D2HGDH: variants seen among roughly 807,000 people sequenced by gnomAD.
D2HGDH encodes D-2-hydroxyglutarate dehydrogenase, mitochondrial.
Under a neutral mutation model 46.9 loss-of-function variants are expected in D2HGDH, and 31 were observed. The observed-to-expected ratio is 0.66, with a 90% CI of 0.50 to 0.89. The LOEUF (loss-of-function observed/expected upper bound fraction) is 0.89. Among genes scored for constraint, D2HGDH ranks in the 40% least tolerant of loss-of-function variants. The pLI, the probability that D2HGDH is intolerant of heterozygous loss-of-function variation, is 0.00. For missense variants in D2HGDH, 698 were observed against 720.8 expected (o/e 0.97, Z 0.36); for synonymous variants, 364 against 332.6 (o/e 1.09, Z -1.03).
chr2:241,734,828 T>A, intron 1 of D2HGDH, 133 bp downstream of exon 1: 1 of 186,476 alleles, frequency 5.4e-6, no homozygotes, highest in Non-Finnish European at 1.1e-5. Context: ...GGGACGGCGC[T>A]GCAGCTCGTC....
At chr2:241,755,632 G>T in intron 8 of D2HGDH, 1 of 1,530,744 alleles carries the variant, frequency 6.5e-7, no homozygotes, top group Non-Finnish European at 8.8e-7. Flanking sequence ...CCTGGTCTGG[G>T]GCATTCGCTG....
chr2:241,754,291 G>C (rs1697813361), intron 8 of D2HGDH, among the ~76,000 whole-genome samples: 1 of 152,180 alleles, frequency 6.6e-6, no homozygotes, highest in African/African-American at 2.4e-5. Flanking sequence ...CCGTAGGAGG[G>C]GCTCTTGCTC....
intron 9 of D2HGDH, among the ~76,000 whole-genome samples, chr2:241,756,713 G>C (rs532702532): frequency 3.9e-5 from 6 of 152,164 alleles, no homozygotes; most frequent in Admixed American, 2.0e-4. Flanking sequence ...GTAGAGACAG[G>C]GTTTTGCCAT....
intron 9 of D2HGDH, among the ~76,000 whole-genome samples, chr2:241,764,978 T>C (rs2125177596): frequency 6.6e-6 from 1 of 152,242 alleles, no homozygotes; most frequent in Non-Finnish European, 1.5e-5. Context: ...AGGGTGTGCT[T>C]GGAGAGCTGC....
At position 241,749,303 on chromosome 2, in the gene D2HGDH, C is replaced by A. The variant is rs1417777483; in HGVS notation, c.854-848C>A. 2.3e-6 allele frequency: 3 copies of A among 1,288,360 alleles called. No individual in the cohort carries two copies. The African/African-American group carries it at 4.6e-5, about 20-fold the overall frequency. 79.8% of individuals were successfully genotyped at this position (1,288,360 alleles called of 1,614,324 possible). ...CTCCTGTGTCACCCAGTGCAGGTGT[C>A]TGCCCCCAGCCTCTGCGCCTGTGAG... On this transcript the variant is annotated intron_variant, in intron 6 of 9. Transcript: ENST00000321264.
At chr2:241,767,594 T>C (rs1466316165) in intron 9 of D2HGDH, 116 bp from the exon 10 acceptor site, 44 of 1,440,912 alleles carry the variant, frequency 3.1e-5, no homozygotes, top group Non-Finnish European at 3.9e-5. Context: ...AGGGTGAGGC[T>C]CAGCCGGGGG....
intron 6 of D2HGDH, chr2:241,748,773 G>A (rs1055952136): frequency 2.2e-5 from 24 of 1,087,836 alleles, no homozygotes; most frequent in Middle Eastern, 2.6e-4. Flanking sequence ...TGCTTCTGCC[G>A]ACTTACTCTC....
chr2:241,744,604 T>A, intron 5 of D2HGDH, 105 bp from the exon 6 acceptor site: 1 of 1,373,566 alleles, frequency 7.3e-7, no homozygotes, highest in Non-Finnish European at 1.0e-6. Flanking sequence ...TTCAGCCTCT[T>A]GGCATGACCT....
intron 2 of D2HGDH, among the ~76,000 whole-genome samples, chr2:241,738,842 TGTCTGCTCAGTAG>T (rs1400523817): frequency 6.6e-6 from 1 of 152,392 alleles, no homozygotes; most frequent in East Asian, 1.9e-4. Flanking sequence ...TGGTCCTGAA[TGTCTGCTCAGTAG>T]GTGTTTGCTG....
intron 8 of D2HGDH, among the ~76,000 whole-genome samples, chr2:241,752,552 T>C (rs980408005): frequency 2.0e-5 from 3 of 152,070 alleles, no homozygotes; most frequent in Non-Finnish European, 4.4e-5. Flanking sequence ...CATGTGCTCC[T>C]GTGGCTTCCA....
intron 6 of D2HGDH, among the ~76,000 whole-genome samples, chr2:241,746,583 G>C (rs1327240687): frequency 6.6e-6 from 1 of 151,978 alleles, no homozygotes; most frequent in Admixed American, 6.6e-5. Context: ...ATGAAACCCT[G>C]TCTCTACTAA....
In D2HGDH at chr2:241,743,696, C is replaced by A; in HGVS notation, c.565C>A (p.Pro189Thr). ...TGTGGAGGAACGGGACTTCATCATG[C>A]CGCTGGACTTAGGAGCCAAGGGCAG... ...RYVEERDFIMPLDLGAKGSCH... is the reference protein window; with the variant it reads ...RYVEERDFIMTLDLGAKGSCH... Residue 189 changes from proline (P) to threonine (T), a missense_variant, in exon 5 of 10, where the codon CCG becomes ACG. Transcript: ENST00000321264. The surrounding 1 kb of genome is among the most constrained non-coding windows in gnomAD (Gnocchi z 4.8). 6.2e-7 allele frequency: 1 copy of A among 1,614,018 alleles called. No individual in the cohort carries two copies. The highest frequency in any genetic ancestry group is 8.5e-7 in the Non-Finnish European group (1 of 1,179,994).
At chr2:241,737,260 A>C (rs935339896) in intron 2 of D2HGDH, among the ~76,000 whole-genome samples, 30 of 152,212 alleles carry the variant, frequency 2.0e-4, no homozygotes, top group Non-Finnish European at 4.0e-4. Flanking sequence ...ATGAGCCACC[A>C]TGCCCAGCCC....
chr2:241,756,054 G>C, intron 9 of D2HGDH, 40 bp downstream of exon 9: 1 of 1,571,362 alleles, frequency 6.4e-7, no homozygotes. Flanking sequence ...TGTGTGCTGG[G>C]TGGTGGGCCC....
At chr2:241,758,738 C>T (rs993515632) in intron 9 of D2HGDH, among the ~76,000 whole-genome samples, 5 of 150,906 alleles carry the variant, frequency 3.3e-5, no homozygotes, top group African/African-American at 9.8e-5. Context: ...ACAGTGACAT[C>T]TGATCTATAC....
intron 9 of D2HGDH, 115 bp downstream of exon 9, chr2:241,756,129 A>G: frequency 1.4e-6 from 2 of 1,404,766 alleles, no homozygotes; most frequent in Non-Finnish European, 1.9e-6. Flanking sequence ...CTGGCTTAGC[A>G]TATCTCCCGT....
intron 6 of D2HGDH, among the ~76,000 whole-genome samples, chr2:241,748,511 G>C (rs1170821595): frequency 6.6e-6 from 1 of 152,224 alleles, no homozygotes; most frequent in Non-Finnish European, 1.5e-5. Flanking sequence ...TTGCTGCTGG[G>C]TGGAGGCCCC....
chr2:241,763,769 C>T (rs1351817402), intron 9 of D2HGDH, among the ~76,000 whole-genome samples: 1 of 152,070 alleles, frequency 6.6e-6, no homozygotes, highest in Admixed American at 6.5e-5. Flanking sequence ...GTGGCTCACA[C>T]CTGTAATCTC....
At chr2:241,752,167 G>A (rs1697363484) in intron 8 of D2HGDH, among the ~76,000 whole-genome samples, 2 of 152,282 alleles carry the variant, frequency 1.3e-5, no homozygotes, top group Admixed American at 6.5e-5. Context: ...TGTTAGCCTG[G>A]GTGTTGCCCT....
Sources: allele counts gnomAD v4.1 joint callset (sites outside exome capture counted in the v4.1 genomes callset), GRCh38; gene constraint gnomAD v4.1.1; non-coding constraint Gnocchi (gnomAD v3.1); transcripts MANE v1.5; gene names NCBI Gene and HGNC (gene_info 2026-07-23, HGNC 2026-07-21).